GRM5: variants seen among roughly 807,000 people sequenced by gnomAD.
The protein encoded by GRM5 is glutamate metabotropic receptor 5.
GRM5 carries 19 observed loss-of-function variants against 83.1 expected under a neutral mutation model. The ratio of observed to expected loss-of-function variants is 0.23; its 90% CI spans 0.16 to 0.34. The LOEUF is 0.34. GRM5 is among the 10% of genes least tolerant of loss of function. The pLI, the probability that GRM5 is intolerant of heterozygous loss-of-function variation, is 1.00. For missense variants in GRM5, 1,160 were observed against 1,588.3 expected (o/e 0.73, Z 4.58); for synonymous variants, 675 against 633.6 (o/e 1.07, Z -0.98).
intron 3 of GRM5, among the ~76,000 whole-genome samples, chr11:88,808,580 A>G (rs1323823456): frequency 6.6e-6 from 1 of 151,998 alleles, no homozygotes; most frequent in Non-Finnish European, 1.5e-5. Flanking sequence ...GACATTATTA[A>G]GAGGTGAGAA....
chr11:89,063,075 C>G (rs971907486), intron 1 of GRM5, among the ~76,000 whole-genome samples: 12 of 152,260 alleles, frequency 7.9e-5, no homozygotes, highest in African/African-American at 2.9e-4. Context: ...GAAGCGGCCC[C>G]TAACAGATCT....
chr11:88,543,813 T>C (rs901213984), intron 8 of GRM5, among the ~76,000 whole-genome samples: 5 of 152,002 alleles, frequency 3.3e-5, no homozygotes, highest in African/African-American at 1.2e-4. Context: ...TTTTTATATC[T>C]CCAGTGCCTA....
intron 3 of GRM5, among the ~76,000 whole-genome samples, chr11:88,834,732 G>A (rs777140071): frequency 1.3e-5 from 2 of 152,164 alleles, no homozygotes; most frequent in South Asian, 2.1e-4. Context: ...TTCTTCAGAC[G>A]TGATTTGCAA....
chr11:88,690,072 G>A (rs16914554), intron 3 of GRM5, among the ~76,000 whole-genome samples: 5,771 of 152,100 alleles, frequency 0.038, 211 homozygotes, highest in African/African-American at 0.1. Context: ...CAAGGGAGGC[G>A]CTGATAAAAA....
At chr11:88,942,736 T>TA (rs60140632) in intron 2 of GRM5, among the ~76,000 whole-genome samples, 53,602 of 149,656 alleles carry the variant, frequency 0.36, 10,042 homozygotes, top group Non-Finnish European at 0.4. Flanking sequence ...GTGTTTAAAT[T>TA]AAAAAAAAAA....
intron 8 of GRM5, among the ~76,000 whole-genome samples, chr11:88,556,742 T>C (rs1337622781): frequency 6.6e-6 from 1 of 152,120 alleles, no homozygotes. Flanking sequence ...TCTAGGGTCC[T>C]GGCTTATAAA....
chr11:88,566,414 TATAGGCAACAAAGA>T (rs1942875352), intron 8 of GRM5, among the ~76,000 whole-genome samples: 1 of 152,204 alleles, frequency 6.6e-6, no homozygotes, highest in Non-Finnish European at 1.5e-5. Flanking sequence ...GGGATGAGAC[TATAGGCAACAAAGA>T]ATTGGGAAAA....
chr11:88,664,769 T>G (rs1257222776), intron 3 of GRM5, among the ~76,000 whole-genome samples: 1 of 152,030 alleles, frequency 6.6e-6, no homozygotes, highest in Non-Finnish European at 1.5e-5. Flanking sequence ...TTCATTGTAT[T>G]AGGTATTATA....
intron 2 of GRM5, among the ~76,000 whole-genome samples, chr11:89,002,968 G>A (rs769767043): frequency 6.7e-6 from 1 of 149,148 alleles, no homozygotes; most frequent in Non-Finnish European, 1.5e-5. Context: ...ACTTTTCTTA[G>A]TGTCCATCTT....
chr11:88,796,238 T>G (rs1003487223), intron 3 of GRM5, among the ~76,000 whole-genome samples: 10 of 152,178 alleles, frequency 6.6e-5, no homozygotes, highest in African/African-American at 2.2e-4. Flanking sequence ...TTGAACTGTT[T>G]CCAGCAATTA....
At chr11:88,975,789 ATTCCAACATACTAT>A (rs1422851041) in intron 2 of GRM5, among the ~76,000 whole-genome samples, 1 of 152,210 alleles carries the variant, frequency 6.6e-6, no homozygotes. Flanking sequence ...TCTCATTTTG[ATTCCAACATACTAT>A]GAGGTAAAAA....
At chr11:88,995,039 C>T (rs147112951) in intron 2 of GRM5, among the ~76,000 whole-genome samples, 1 of 152,092 alleles carries the variant, frequency 6.6e-6, no homozygotes, top group African/African-American at 2.4e-5. Flanking sequence ...AATGGTCTAG[C>T]TGTAGAGCTC....
At chr11:88,605,639 C>G (rs1938120503) in intron 4 of GRM5, among the ~76,000 whole-genome samples, 1 of 151,856 alleles carries the variant, frequency 6.6e-6, no homozygotes, top group Non-Finnish European at 1.5e-5. Flanking sequence ...AGAAACTTGT[C>G]CAATAACAGA....
intron 5 of GRM5, among the ~76,000 whole-genome samples, chr11:88,601,645 A>T (rs1938001842): frequency 6.6e-6 from 1 of 152,148 alleles, no homozygotes; most frequent in Non-Finnish European, 1.5e-5. Context: ...ACCCCACAAT[A>T]TAATGTTTTA....
At chr11:88,768,505 G>T (rs1239232629) in intron 3 of GRM5, among the ~76,000 whole-genome samples, 1 of 151,934 alleles carries the variant, frequency 6.6e-6, no homozygotes, top group Non-Finnish European at 1.5e-5. Flanking sequence ...GATAAAAAGA[G>T]TTATGGGGAT....
chr11:88,986,691 AT>A (rs1939723108), intron 2 of GRM5, among the ~76,000 whole-genome samples: 1 of 110,762 alleles, frequency 9.0e-6, no homozygotes, highest in African/African-American at 3.3e-5. Flanking sequence ...CTGTACAGAA[AT>A]TTTGGTTTAA....
chr11:88,518,036 A>G (rs1427137094), intron 9 of GRM5, among the ~76,000 whole-genome samples: 1 of 151,992 alleles, frequency 6.6e-6, no homozygotes, highest in Non-Finnish European at 1.5e-5. Context: ...ATTAGATAAG[A>G]TGAGAATTGA....
At chr11:88,931,420 G>C (rs1937701123) in intron 2 of GRM5, among the ~76,000 whole-genome samples, 1 of 130,288 alleles carries the variant, frequency 7.7e-6, no homozygotes, top group African/African-American at 2.9e-5. Context: ...GATAGAGAAA[G>C]CATATTGAAA....
chr11:88,871,436 C>T (rs990920243), intron 2 of GRM5, among the ~76,000 whole-genome samples: 2 of 151,446 alleles, frequency 1.3e-5, no homozygotes, highest in African/African-American at 2.4e-5. Flanking sequence ...GAAAGGTGCC[C>T]TATAGTGTTA....
Sources: gnomAD v4.1 joint callset for allele counts (sites outside exome capture counted in the v4.1 genomes callset) on GRCh38, gnomAD v4.1.1 for gene constraint, MANE v1.5 for transcripts, NCBI Gene and HGNC (gene_info 2026-07-23, HGNC 2026-07-21) for gene names.